LYRM7: variants seen among roughly 807,000 people sequenced by gnomAD.
LYRM7 encodes LYR motif containing 7, also known as complex III assembly factor LYRM7.
LYRM7 carries 9 observed loss-of-function variants against 15.8 expected under a neutral mutation model. The ratio of observed to expected loss-of-function variants is 0.57; its 90% confidence interval spans 0.34 to 0.99. The LOEUF (loss-of-function observed/expected upper bound fraction) is 0.99, where lower values mean the gene tolerates loss of function less well. Among genes scored for constraint, LYRM7 ranks in the 50% least tolerant of loss-of-function variants. The pLI, the probability that LYRM7 is intolerant of heterozygous loss-of-function variation, is 0.02. For missense variants in LYRM7, 115 were observed against 119.1 expected (o/e 0.97, Z 0.16); for synonymous variants, 39 against 39.4 (o/e 0.99, Z 0.04).
chr5:131,198,631 C>T (rs1006400595), intron 4 of LYRM7, among the ~76,000 whole-genome samples: 1 of 151,826 alleles, frequency 6.6e-6, no homozygotes, highest in South Asian at 2.1e-4. Flanking sequence ...GGCACCATCT[C>T]GGCTCACTCA....
chr5:131,180,525 T>C (rs1402873172), intron 2 of LYRM7, among the ~76,000 whole-genome samples: 1 of 152,182 alleles, frequency 6.6e-6, no homozygotes, highest in African/African-American at 2.4e-5. Flanking sequence ...TATATCAGTC[T>C]AAAAGAGCAG....
At chr5:131,195,311 G>A (rs1755946990) in intron 4 of LYRM7, among the ~76,000 whole-genome samples, 1 of 151,936 alleles carries the variant, frequency 6.6e-6, no homozygotes, top group Non-Finnish European at 1.5e-5. Context: ...TGAAAAAGAG[G>A]TTGAATGCAG....
chr5:131,172,384 G>T (rs1178127982), intron 1 of LYRM7, among the ~76,000 whole-genome samples: 1 of 151,994 alleles, frequency 6.6e-6, no homozygotes, highest in Admixed American at 6.5e-5. Flanking sequence ...CTACACTCTA[G>T]CCTGGGTGAC....
At position 131,204,847 on chromosome 5, in the gene LYRM7, G is replaced by T. The variant is rs1355857638; in HGVS notation, c.*5246G>T. 6.6e-6 allele frequency: 1 copy of T among 151,880 alleles called. No homozygotes were observed. The highest frequency in any genetic ancestry group is 2.4e-5 in the African/African-American group (1 of 41,242). The allele number at this position is 151,880 out of a possible 1,614,324, so 9.4% of individuals were successfully genotyped here. A position where few individuals can be genotyped will look rare whatever the true frequency, so the allele number is the denominator to read the frequency against. On this transcript the variant is annotated 3_prime_UTR_variant, in exon 5 of 5. Coordinates refer to ENST00000379380, the MANE Select transcript of LYRM7 (RefSeq NM_181705.4). ...TATATATGTACAAATGGGTAGAAAC[G>T]ATACATGATTAATCTTAATCGGGAA...
chr5:131,178,523 G>C (rs892721795), intron 1 of LYRM7, among the ~76,000 whole-genome samples: 1 of 152,200 alleles, frequency 6.6e-6, no homozygotes. Context: ...GACTTGAGAA[G>C]TGTGAAGTGA....
At chr5:131,197,846 C>CTGTGTGTGTGTGTGTGTG (rs56146861) in intron 4 of LYRM7, among the ~76,000 whole-genome samples, 36 of 143,380 alleles carry the variant, frequency 2.5e-4, no homozygotes, top group African/African-American at 8.4e-4. Flanking sequence ...CATCTGGCCA[C>CTGTGTGTGTGTGTGTGTG]TGTGTGTGTG....
At position 131,193,004 on chromosome 5, in the gene LYRM7, T is replaced by A. The variant is rs188848082; in HGVS notation, c.244+5895T>A. ...GAAAACCCAGGACTTCGGGTCATTA[T>A]TTTTTACGGTACTTAGTTTTTTAAT... On this transcript the variant is annotated intron_variant, in intron 4 of 4. Coordinates refer to ENST00000379380, the MANE Select transcript of LYRM7 (RefSeq NM_181705.4). 2.6e-5 allele frequency among the ~76,000 whole-genome samples: 4 copies of A among 152,344 alleles called. No individual in the cohort carries two copies. In the East Asian group the frequency reaches 7.7e-4, roughly 29 times the overall value.
At chr5:131,192,076 C>T (rs1319443885) in intron 4 of LYRM7, among the ~76,000 whole-genome samples, 1 of 137,030 alleles carries the variant, frequency 7.3e-6, no homozygotes, top group Non-Finnish European at 1.5e-5. Flanking sequence ...CACACACACA[C>T]ACACAATGCA....
intron 1 of LYRM7, 105 bp from the exon 2 acceptor site, chr5:131,179,989 CT>C (rs1755665163): frequency 1.3e-6 from 1 of 742,758 alleles, no homozygotes; most frequent in African/African-American, 1.8e-5. Flanking sequence ...CGCCCAGGGT[CT>C]CGAACTCCTG....
chr5:131,201,711 C>A lies in LYRM7; in HGVS notation c.*2110C>A, dbSNP rs1384587112. On this transcript the variant is annotated 3_prime_UTR_variant, in exon 5 of 5. Coordinates refer to ENST00000379380, the MANE Select transcript of LYRM7 (RefSeq NM_181705.4). ...TCCAGCCTAGGCAACAAGAGTGAAA[C>A]TCCGTCTCAAAAATAAATAAATAAA... The A allele has an allele frequency of 6.7e-6, 1 of 148,358 alleles. No homozygotes were observed. Among genetic ancestry groups the A allele is most frequent in the Non-Finnish European group, 1.5e-5 (1 of 67,540 alleles). 9.2% of individuals were successfully genotyped at this position (148,358 alleles called of 1,614,324 possible).
At position 131,181,031 on chromosome 5, in the gene LYRM7, C is replaced by A. The variant is rs1755682608; in HGVS notation, c.91+864C>A. On this transcript the variant is annotated intron_variant, in intron 2 of 4. Coordinates refer to ENST00000379380, the MANE Select transcript of LYRM7 (RefSeq NM_181705.4). ...ATAGGCTGGGCTCAGTGGCTCACTC[C>A]TGTAATCCCAGCACTTTGGGAGGCA... 2.0e-5 allele frequency among the ~76,000 whole-genome samples: 3 copies of A among 151,594 alleles called. No homozygotes were observed. In the South Asian group the frequency reaches 6.3e-4, roughly 32 times the overall value.
At chr5:131,199,351 A>G (rs1561550085) in intron 4 of LYRM7, among the ~76,000 whole-genome samples, 180 bp from the exon 5 acceptor site, 2 of 152,204 alleles carry the variant, frequency 1.3e-5, no homozygotes, top group Admixed American at 6.5e-5. Context: ...TGAGAATGCT[A>G]TTAATTCTAA....
At chr5:131,175,749 G>GGTTTTGTTTTGTTTT (rs1554089541) in intron 1 of LYRM7, among the ~76,000 whole-genome samples, 31 of 151,110 alleles carry the variant, frequency 2.1e-4, no homozygotes, top group African/African-American at 6.9e-4. Flanking sequence ...TGCCCAGGCT[G>GGTTTTGTTTTGTTTT]GTTTTGTTTT....
At position 131,205,428 on chromosome 5, in the gene LYRM7, A is replaced by G. The variant is rs555151935; in HGVS notation, c.*5827A>G. The stretch of plus-strand genomic sequence containing the variant: ...AACAAGTTTGTTCATTCATGTCTCC[A>G]TTGATGAGTGATAGTATTGTCTCCA... On this transcript the variant is annotated 3_prime_UTR_variant, in exon 5 of 5. Coordinates refer to ENST00000379380, the MANE Select transcript of LYRM7 (RefSeq NM_181705.4). The G allele has an allele frequency of 3.3e-4, 51 of 152,320 alleles. No homozygotes were observed. The highest frequency in any genetic ancestry group is 1.2e-3 in the African/African-American group (50 of 41,566). 9.4% of individuals were successfully genotyped at this position (152,320 alleles called of 1,614,324 possible).
rs746286150 is a variant in LYRM7, at chr5:131,186,989, C to T, written c.163-39C>T. 1.3e-5 allele frequency: 15 copies of T among 1,151,638 alleles called. No individual in the cohort carries two copies. In the Admixed American group the frequency reaches 2.9e-4, roughly 22 times the overall value. The allele number at this position is 1,151,638 out of a possible 1,614,324, so 71.3% of individuals were successfully genotyped here. A position where few individuals can be genotyped will look rare whatever the true frequency, so the allele number is the denominator to read the frequency against. On this transcript the variant is annotated intron_variant, in intron 3 of 4. Transcript: ENST00000379380. The stretch of plus-strand genomic sequence containing the variant: ...AAAAACAGTACATTCATATGAAACA[C>T]CTAAAGGACTTACTCTATTTGTTTG...
intron 4 of LYRM7, among the ~76,000 whole-genome samples, chr5:131,191,216 A>G (rs1436310785): frequency 6.6e-6 from 1 of 151,730 alleles, no homozygotes; most frequent in Non-Finnish European, 1.5e-5. Flanking sequence ...TAGGTCCAAA[A>G]TGTAAGAAAT....
At chr5:131,195,946 G>A (rs1388017429) in intron 4 of LYRM7, among the ~76,000 whole-genome samples, 1 of 152,092 alleles carries the variant, frequency 6.6e-6, no homozygotes, top group East Asian at 1.9e-4. Context: ...GGAAACACTA[G>A]CACTGTAACC....
chr5:131,177,266 T>C (rs1755616574), intron 1 of LYRM7, among the ~76,000 whole-genome samples: 1 of 152,222 alleles, frequency 6.6e-6, no homozygotes, highest in South Asian at 2.1e-4. Context: ...TGCTTTCTAG[T>C]CTGGCTGCAC....
Position 131,187,020 on chromosome 5 carries a change from C to T in LYRM7, c.163-8C>T. The T allele has an allele frequency of 6.7e-7, 1 of 1,502,946 alleles. No individual in the cohort carries two copies. The highest frequency in any genetic ancestry group is 9.1e-7 in the Non-Finnish European group (1 of 1,098,950). The allele number at this position is 1,502,946 out of a possible 1,614,324, so 93.1% of individuals were successfully genotyped here. A position where few individuals can be genotyped will look rare whatever the true frequency, so the allele number is the denominator to read the frequency against. The stretch of plus-strand genomic sequence containing the variant: ...GGACTTACTCTATTTGTTTGGTTTT[C>T]TTAACAGCTAATGAAAATAGGTTCT... On this transcript the variant is annotated splice_region_variant and splice_polypyrimidine_tract_variant and intron_variant, in intron 3 of 4. Coordinates refer to ENST00000379380, the MANE Select transcript of LYRM7 (RefSeq NM_181705.4).
Sources: allele counts gnomAD v4.1 joint callset (sites outside exome capture counted in the v4.1 genomes callset), GRCh38; gene constraint gnomAD v4.1.1; transcripts MANE v1.5; gene names NCBI Gene and HGNC (gene_info 2026-07-23, HGNC 2026-07-21).